MYO3A: variants seen among roughly 807,000 people sequenced by gnomAD.
The protein encoded by MYO3A is myosin IIIA.
A neutral mutation model predicts 192.7 loss-of-function variants in MYO3A; 180 were observed. That is an observed-to-expected ratio of 0.93 (90% confidence interval 0.83 to 1.06). The LOEUF is 1.06. Ranked by LOEUF, MYO3A falls within the 50% of genes least tolerant of loss-of-function variation. The pLI, the probability that MYO3A is intolerant of heterozygous loss-of-function variation, is 0.00. For missense variants in MYO3A, 1,896 were observed against 1,905.0 expected, an observed-to-expected ratio of 1.00 and a Z score of 0.09; for synonymous variants, 628 against 645.3, an observed-to-expected ratio of 0.97 and a Z score of 0.41.
chr10:26,212,130 G>A lies in MYO3A; in HGVS notation c.*167G>A. On this transcript the variant is annotated 3_prime_UTR_variant, in exon 35 of 35. Coordinates refer to ENST00000642920, the MANE Select transcript of MYO3A (RefSeq NM_017433.5). ...CCCTCAAGTGCCCGGGCCGGCCTTC[G>A]TGCTCCGAAACAAGAGACCTGGGAG... 9.4e-7 allele frequency: 1 copy of A among 1,064,946 alleles called. No homozygotes were observed. The highest frequency in any genetic ancestry group is 1.3e-6 in the Non-Finnish European group (1 of 770,960). 66.0% of individuals were successfully genotyped at this position (1,064,946 alleles called of 1,614,324 possible). A position where few individuals can be genotyped will look rare whatever the true frequency, so the allele number is the denominator to read the frequency against.
chr10:26,171,994 G>A (rs986947779), intron 29 of MYO3A, among the ~76,000 whole-genome samples: 16 of 152,198 alleles, frequency 1.1e-4, no homozygotes, highest in Non-Finnish European at 7.3e-5. Flanking sequence ...GGGCACATGA[G>A]TGTGAGTAAG....
At chr10:26,140,478 G>A (rs1412074207) in intron 20 of MYO3A, among the ~76,000 whole-genome samples, 1 of 152,140 alleles carries the variant, frequency 6.6e-6, no homozygotes, top group African/African-American at 2.4e-5. Context: ...GAGGTCAGGA[G>A]TTCAAGACCA....
chr10:25,994,580 A>G (rs183387455), intron 4 of MYO3A, among the ~76,000 whole-genome samples: 1 of 152,300 alleles, frequency 6.6e-6, no homozygotes, highest in East Asian at 1.9e-4. Flanking sequence ...TTTGCTCATT[A>G]GTTGATGCAG....
chr10:26,127,269 A>G (rs1396201911), intron 19 of MYO3A, among the ~76,000 whole-genome samples: 1 of 152,128 alleles, frequency 6.6e-6, no homozygotes, highest in East Asian at 1.9e-4. Context: ...TCTCTGAACT[A>G]GATTATTTGT....
intron 6 of MYO3A, among the ~76,000 whole-genome samples, chr10:26,013,400 A>C (rs775423228): frequency 6.6e-6 from 1 of 151,966 alleles, no homozygotes; most frequent in Non-Finnish European, 1.5e-5. Flanking sequence ...AATATCCTGA[A>C]TCTACAAGGA....
chr10:26,014,997 A>G (rs1588780262), intron 6 of MYO3A, among the ~76,000 whole-genome samples: 1 of 152,254 alleles, frequency 6.6e-6, no homozygotes, highest in East Asian at 1.9e-4. Context: ...TATCCCTAGA[A>G]ATAGCACTTA....
chr10:25,994,410 T>C (rs1234220301), intron 4 of MYO3A, among the ~76,000 whole-genome samples: 1 of 152,238 alleles, frequency 6.6e-6, no homozygotes, highest in Non-Finnish European at 1.5e-5. Context: ...CGTGCGTCTC[T>C]GCACATGAGA....
At chr10:26,183,244 G>T (rs191571903) in intron 31 of MYO3A, among the ~76,000 whole-genome samples, 4 of 152,304 alleles carry the variant, frequency 2.6e-5, no homozygotes, top group Admixed American at 2.0e-4. Context: ...AAATGTTTCG[G>T]CTGGGCGTGG....
chr10:26,133,641 T>G (rs1839678140), intron 20 of MYO3A, among the ~76,000 whole-genome samples: 1 of 152,238 alleles, frequency 6.6e-6, no homozygotes, highest in African/African-American at 2.4e-5. Flanking sequence ...CTGCCCAAAC[T>G]AGAGTGCAGT....
At chr10:25,941,699 A>T (rs1260691600) in intron 2 of MYO3A, among the ~76,000 whole-genome samples, 1 of 152,182 alleles carries the variant, frequency 6.6e-6, no homozygotes, top group South Asian at 2.1e-4. Flanking sequence ...AACCTTTAAC[A>T]CCATCCATCT....
At chr10:26,104,122 A>T (rs1264892254) in intron 17 of MYO3A, among the ~76,000 whole-genome samples, 1 of 152,048 alleles carries the variant, frequency 6.6e-6, no homozygotes, top group Non-Finnish European at 1.5e-5. Flanking sequence ...TGCAAAAAAA[A>T]AAAAAATTAT....
intron 10 of MYO3A, among the ~76,000 whole-genome samples, chr10:26,027,409 A>G (rs1326971090): frequency 6.6e-6 from 1 of 152,086 alleles, no homozygotes; most frequent in African/African-American, 2.4e-5. Context: ...CAGTGGTGCC[A>G]TCTCTGATCA....
intron 10 of MYO3A, among the ~76,000 whole-genome samples, chr10:26,053,126 T>G (rs761719501): frequency 1.3e-5 from 2 of 152,146 alleles, no homozygotes; most frequent in Non-Finnish European, 2.9e-5. Flanking sequence ...TGGAAAGCAC[T>G]TCTATAAAAC....
At chr10:26,071,606 G>T (rs550439329) in intron 14 of MYO3A, among the ~76,000 whole-genome samples, 1 of 152,138 alleles carries the variant, frequency 6.6e-6, no homozygotes, top group Non-Finnish European at 1.5e-5. Context: ...CAGACTCAGA[G>T]AAAATATTTG....
At chr10:25,951,810 A>G (rs1256866625) in intron 2 of MYO3A, among the ~76,000 whole-genome samples, 1 of 152,200 alleles carries the variant, frequency 6.6e-6, no homozygotes, top group African/African-American at 2.4e-5. Context: ...TCAAAATTAT[A>G]TAAATATGCC....
At chr10:25,957,378 A>G (rs1421163032) in intron 4 of MYO3A, among the ~76,000 whole-genome samples, 1 of 152,154 alleles carries the variant, frequency 6.6e-6, no homozygotes, top group African/African-American at 2.4e-5. Context: ...ATTGCCTTCC[A>G]CCATGATTGT....
intron 6 of MYO3A, among the ~76,000 whole-genome samples, chr10:26,003,451 T>C (rs1172365095): frequency 1.3e-5 from 2 of 152,236 alleles, no homozygotes; most frequent in African/African-American, 4.8e-5. Flanking sequence ...TTCAGTTTGC[T>C]AATGCTCATT....
intron 26 of MYO3A, 181 bp from the exon 27 acceptor site, chr10:26,165,886 G>C (rs1589064796): frequency 1.5e-6 from 1 of 688,106 alleles, no homozygotes; most frequent in East Asian, 2.5e-5. Flanking sequence ...ACTGGACTGG[G>C]TTTCCATCAG....
At position 25,988,858 on chromosome 10, in the gene MYO3A, A is replaced by G. The variant is rs187606441; in HGVS notation, c.304-7632A>G. ...TCAATTGCAGAAAGTACAGCCAAAT[A>G]GAGGCCACACTGGAGAAATAGGAAG... On this transcript the variant is annotated intron_variant, in intron 4 of 34. Coordinates refer to ENST00000642920, the MANE Select transcript of MYO3A (RefSeq NM_017433.5). 2.1e-3 allele frequency among the ~76,000 whole-genome samples: 326 copies of G among 152,052 alleles called. 1 individual carries two copies. Among genetic ancestry groups the G allele is most frequent in the Admixed American group, 7.4e-3 (113 of 15,278 alleles).
Sources: gnomAD v4.1 joint callset for allele counts (sites outside exome capture counted in the v4.1 genomes callset) on GRCh38, gnomAD v4.1.1 for gene constraint, MANE v1.5 for transcripts, NCBI Gene and HGNC (gene_info 2026-07-23, HGNC 2026-07-21) for gene names.